Variants in RARB observed in about 807,000 individuals in gnomAD.
The protein encoded by RARB is retinoic acid receptor beta, also known as HBV-activated protein.
In RARB, 17 loss-of-function variants were observed where a neutral mutation model predicts 51.9. The ratio of observed to expected loss-of-function variants is 0.33; its 90% CI spans 0.22 to 0.49. RARB has a LOEUF of 0.49. RARB is among the 20% of genes least tolerant of loss of function. RARB has a pLI of 0.99. For missense variants in RARB, 369 were observed against 550.8 expected (o/e 0.67, Z 3.30); for synonymous variants, 215 against 195.4 (o/e 1.10, Z -0.84).
chr3:25,445,394 A>G (rs1455542103), intron 1 of RARB, among the ~76,000 whole-genome samples: 1 of 152,194 alleles, frequency 6.6e-6, no homozygotes, highest in Non-Finnish European at 1.5e-5. Context: ...GTCCGGACGC[A>G]TAGCTCACGC....
chr3:25,075,834 TG>T (rs1454361317), intron 3 of RARB, among the ~76,000 whole-genome samples: 2 of 152,206 alleles, frequency 1.3e-5, no homozygotes, highest in African/African-American at 4.8e-5. Context: ...AAAAGTATAA[TG>T]ATTTTAGGCT....
chr3:25,250,389 G>A (rs1950994909), intron 5 of RARB, among the ~76,000 whole-genome samples: 2 of 152,186 alleles, frequency 1.3e-5, no homozygotes, highest in South Asian at 4.1e-4. Context: ...GGGGGCAGCA[G>A]TGGTTGTGCT....
chr3:25,487,296 T>A (rs1218477173), intron 2 of RARB, among the ~76,000 whole-genome samples: 1 of 152,192 alleles, frequency 6.6e-6, no homozygotes, highest in Non-Finnish European at 1.5e-5. Flanking sequence ...ATAGACCCCA[T>A]TGCTTCTCTG....
chr3:25,333,544 T>G (rs1323468732), intron 5 of RARB, among the ~76,000 whole-genome samples: 1 of 152,184 alleles, frequency 6.6e-6, no homozygotes, highest in East Asian at 1.9e-4. Context: ...GATTAAAGAC[T>G]TAAATGTTAG....
chr3:25,199,699 G>T (rs1279232222), intron 5 of RARB, among the ~76,000 whole-genome samples: 2 of 152,074 alleles, frequency 1.3e-5, no homozygotes, highest in African/African-American at 4.8e-5. Flanking sequence ...TGCAGTGTTT[G>T]GTTTCTTGAC....
intron 2 of RARB, among the ~76,000 whole-genome samples, chr3:24,955,458 G>C (rs1695993260): frequency 6.6e-6 from 1 of 152,128 alleles, no homozygotes. Flanking sequence ...CAGGTTTGAG[G>C]GTGGGGCCTT....
chr3:25,568,950 G>A (rs916999029), intron 3 of RARB, among the ~76,000 whole-genome samples: 1 of 152,266 alleles, frequency 6.6e-6, no homozygotes, highest in African/African-American at 2.4e-5. Context: ...TGTGCTGCAG[G>A]AGGAAGCACG....
intron 5 of RARB, among the ~76,000 whole-genome samples, chr3:25,264,523 A>C (rs181821446): frequency 3.1e-4 from 47 of 152,324 alleles, no homozygotes; most frequent in Admixed American, 2.7e-3. Context: ...AGATTAACTT[A>C]TTCTTAATTA....
At chr3:24,860,072 T>G (rs1283554971) in intron 2 of RARB, among the ~76,000 whole-genome samples, 1 of 152,202 alleles carries the variant, frequency 6.6e-6, no homozygotes, top group African/African-American at 2.4e-5. Flanking sequence ...TCCACTTGGT[T>G]TGTGATGCTG....
chr3:25,126,788 TC>T (rs1325160630), intron 3 of RARB, among the ~76,000 whole-genome samples: 3 of 152,218 alleles, frequency 2.0e-5, no homozygotes, highest in Non-Finnish European at 4.4e-5. Flanking sequence ...ATGGACAATT[TC>T]TTTTGAATAA....
At chr3:24,871,319 C>A (rs1194261677) in intron 2 of RARB, among the ~76,000 whole-genome samples, 1 of 152,114 alleles carries the variant, frequency 6.6e-6, no homozygotes, top group Non-Finnish European at 1.5e-5. Context: ...GTTTTAAAAT[C>A]TCTTGATGGT....
chr3:24,976,011 C>A (rs1237887788), intron 2 of RARB, among the ~76,000 whole-genome samples: 1 of 152,180 alleles, frequency 6.6e-6, no homozygotes, highest in Middle Eastern at 3.2e-3. Context: ...TGAGTGAGAA[C>A]ATGCGGTGTT....
chr3:25,178,551 C>T (rs2125355853), intron 5 of RARB, among the ~76,000 whole-genome samples: 1 of 152,122 alleles, frequency 6.6e-6, no homozygotes, highest in Admixed American at 6.5e-5. Flanking sequence ...GAGCGCATGC[C>T]TTTCCCAGTG....
intron 5 of RARB, among the ~76,000 whole-genome samples, chr3:25,356,236 A>G (rs774576174): frequency 1.3e-5 from 2 of 152,124 alleles, no homozygotes; most frequent in Non-Finnish European, 2.9e-5. Flanking sequence ...CCTCTTCTGG[A>G]TAAGAAACTT....
intron 5 of RARB, among the ~76,000 whole-genome samples, chr3:25,367,133 C>T (rs969246954): frequency 1.3e-5 from 2 of 152,164 alleles, no homozygotes; most frequent in Non-Finnish European, 2.9e-5. Flanking sequence ...TCCAGTATTT[C>T]CTCAGGTTGG....
intron 2 of RARB, among the ~76,000 whole-genome samples, chr3:24,879,866 T>C (rs1703123211): frequency 6.6e-6 from 1 of 152,160 alleles, no homozygotes; most frequent in African/African-American, 2.4e-5. Context: ...AGTTCACAGT[T>C]ACATTAAGGG....
In RARB at chr3:25,038,031, T is replaced by C. The variant is rs73144975; in HGVS notation, c.-379-22094T>C. On this transcript the variant is annotated intron_variant, in intron 2 of 11. Transcript: ENST00000383772. ...TTTTCCCATTTAGACATGGAGAAAA[T>C]GAGGCTCAAATTGCTTATAAACCTC... is the stretch of plus-strand genomic sequence containing the variant. Among the ~76,000 whole-genome samples the C allele has an allele frequency of 4.8e-3, 725 of 152,194 alleles. 6 individuals carry two copies. Among genetic ancestry groups the C allele is most frequent in the African/African-American group, 0.016 (683 of 41,492 alleles).
At chr3:25,359,604 G>T (rs1201219901) in intron 5 of RARB, among the ~76,000 whole-genome samples, 3 of 152,052 alleles carry the variant, frequency 2.0e-5, no homozygotes, top group Non-Finnish European at 4.4e-5. Flanking sequence ...TTTCTTCTGT[G>T]GGCATTTAGT....
chr3:25,093,101 A>G (rs1401191506), intron 3 of RARB, among the ~76,000 whole-genome samples: 1 of 152,062 alleles, frequency 6.6e-6, no homozygotes, highest in Non-Finnish European at 1.5e-5. Flanking sequence ...TACAGGTGGG[A>G]TATTAAAAAT....
Sources: allele counts gnomAD v4.1 joint callset (sites outside exome capture counted in the v4.1 genomes callset), GRCh38; gene constraint gnomAD v4.1.1; transcripts MANE v1.5; gene names NCBI Gene and HGNC (gene_info 2026-07-23, HGNC 2026-07-21).